TECTB: variants seen among roughly 807,000 people sequenced by gnomAD.
TECTB encodes beta-tectorin.
A neutral mutation model predicts 43.3 loss-of-function variants in TECTB; 45 were observed. The observed-to-expected ratio is 1.04, with a 90% confidence interval of 0.82 to 1.33. TECTB has a LOEUF of 1.33. Among genes scored for constraint, TECTB ranks in the 40% most tolerant of loss-of-function variants. The pLI, the probability that TECTB is intolerant of heterozygous loss-of-function variation, is 0.00. For missense variants in TECTB, 399 were observed against 404.7 expected (o/e 0.99, Z 0.12); for synonymous variants, 169 against 156.7 (o/e 1.08, Z -0.59).
intron 10 of TECTB, chr10:112,303,053 A>G (rs1564711270): frequency 1.2e-5 from 7 of 576,164 alleles, no homozygotes; most frequent in Admixed American, 3.0e-5. Context: ...ACTGATTTCT[A>G]TTTGTCAGAG....
chr10:112,302,010 C>T (rs1848616307), intron 9 of TECTB, 91 bp from the exon 10 acceptor site: 1 of 1,484,834 alleles, frequency 6.7e-7, no homozygotes. Context: ...AGCCCCCAGC[C>T]AGGTTTTGTG....
Position 112,293,804 on chromosome 10 carries a change from C to G in TECTB, c.550C>G (p.Leu184Val). The G allele has an allele frequency of 1.2e-6, 2 of 1,614,172 alleles. No homozygotes were observed. Among genetic ancestry groups the G allele is most frequent in the Non-Finnish European group, 1.7e-6 (2 of 1,180,038 alleles). The change falls in exon 6 of 11, where the codon CTG becomes GTG. Residue 184 changes from leucine to valine, a missense_variant. Transcript: ENST00000646139. ...VLEASEIGSD[L>V]FAGVEAKGLS... is the part of the protein sequence containing the mutation. Reference sequence around the variant, plus strand: ...GGAGGCATCCGAAATCGGTTCAGATCTGTTTGCAGGAGTGGAAGCCAAAGG... The same window carrying G: ...GGAGGCATCCGAAATCGGTTCAGATGTGTTTGCAGGAGTGGAAGCCAAAGG...
At position 112,283,427 on chromosome 10, in the gene TECTB, C is replaced by A. The variant is rs948958525; in HGVS notation, c.-157C>A. On this transcript the variant is annotated 5_prime_UTR_variant, in exon 1 of 11. Transcript: ENST00000646139. ...ATTTGGGGAGCATCCAGCAGCCAGC[C>A]TCTACAGTCCGGAGAGGATGAAACA... is the stretch of plus-strand genomic sequence containing the variant. 4 of 306,312 alleles carry A rather than the reference C, an allele frequency of 1.3e-5. No individual in the cohort carries two copies. The highest frequency in any genetic ancestry group is 2.4e-5 in the Non-Finnish European group (4 of 166,864). 19.0% of individuals were successfully genotyped at this position (306,312 alleles called of 1,614,324 possible). A position where few individuals can be genotyped will look rare whatever the true frequency, so the allele number is the denominator to read the frequency against.
At position 112,284,520 on chromosome 10, in the gene TECTB, G is replaced by A; in HGVS notation, c.77-15G>A. 1 of 1,591,092 alleles carries A rather than the reference G, an allele frequency of 6.3e-7. No individual in the cohort carries two copies. Among genetic ancestry groups the A allele is most frequent in the African/African-American group, 1.3e-5 (1 of 74,592 alleles). ...TACCCTAACTGATTTTAAACTATATGTGTGCTCTTTCCAGATGTCATTCTT... is the reference window on the plus strand; with the variant it reads ...TACCCTAACTGATTTTAAACTATATATGTGCTCTTTCCAGATGTCATTCTT... On this transcript the variant is annotated splice_polypyrimidine_tract_variant and intron_variant, in intron 2 of 10. Transcript: ENST00000646139.
chr10:112,289,099 T>C (rs1259749222), intron 5 of TECTB, among the ~76,000 whole-genome samples: 1 of 152,204 alleles, frequency 6.6e-6, no homozygotes, highest in Non-Finnish European at 1.5e-5. Flanking sequence ...AGGTTTGTTA[T>C]AGAATTAAAT....
At chr10:112,289,195 T>C (rs1187545038) in intron 5 of TECTB, among the ~76,000 whole-genome samples, 1 of 152,238 alleles carries the variant, frequency 6.6e-6, no homozygotes. Flanking sequence ...TTGTAGACTT[T>C]GACTCTATTT....
intron 9 of TECTB, among the ~76,000 whole-genome samples, chr10:112,300,230 T>TAAAGAAAGAAAGAG (rs1848588221): frequency 1.8e-5 from 1 of 55,024 alleles, no homozygotes; most frequent in Admixed American, 2.3e-4. Flanking sequence ...CAGAAAGAAA[T>TAAAGAAAGAAAGAG]AAAGAAAGAA....
chr10:112,283,703 G>A lies in TECTB; in HGVS notation c.-32G>A. On this transcript the variant is annotated 5_prime_UTR_variant, in exon 2 of 11. Coordinates refer to ENST00000646139, the MANE Select transcript of TECTB (RefSeq NM_058222.3). ...GTAAACATTTGGCCAGCTTGGTTTG[G>A]ATACCTGGCAGAGACCAGGTTCTGA... 1 of 1,610,014 alleles carries A rather than the reference G, an allele frequency of 6.2e-7. No individual in the cohort carries two copies. Among genetic ancestry groups the A allele is most frequent in the Non-Finnish European group, 8.5e-7 (1 of 1,176,890 alleles).
At chr10:112,291,118 C>T (rs1226750473) in intron 5 of TECTB, among the ~76,000 whole-genome samples, 1 of 152,148 alleles carries the variant, frequency 6.6e-6, no homozygotes, top group African/African-American at 2.4e-5. Context: ...TTGAGCCCAG[C>T]ATGCATTAGC....
intron 9 of TECTB, among the ~76,000 whole-genome samples, chr10:112,301,106 T>C (rs1848607612): frequency 6.6e-6 from 1 of 152,218 alleles, no homozygotes; most frequent in Non-Finnish European, 1.5e-5. Flanking sequence ...AAAACAACAA[T>C]ATTTCGTGAC....
intron 8 of TECTB, among the ~76,000 whole-genome samples, chr10:112,298,641 G>T (rs1163572591): frequency 6.6e-6 from 1 of 152,228 alleles, no homozygotes; most frequent in Non-Finnish European, 1.5e-5. Context: ...TAACTCAAAA[G>T]GTGGGTGTTT....
intron 7 of TECTB, among the ~76,000 whole-genome samples, chr10:112,296,582 A>C (rs1286609984): frequency 1.3e-5 from 2 of 152,224 alleles, no homozygotes; most frequent in African/African-American, 4.8e-5. Context: ...ATCCTACAGA[A>C]GTCTTGTTTC....
intron 10 of TECTB, chr10:112,302,981 A>C: frequency 2.3e-6 from 1 of 441,692 alleles, no homozygotes; most frequent in East Asian, 3.4e-5. Flanking sequence ...TTAAAATTCC[A>C]ATCCTAGATT....
intron 5 of TECTB, among the ~76,000 whole-genome samples, chr10:112,288,719 C>T (rs1445277014): frequency 1.3e-5 from 2 of 152,182 alleles, no homozygotes; most frequent in African/African-American, 4.8e-5. Context: ...ACAATGGAAT[C>T]AATGCACTGC....
intron 7 of TECTB, among the ~76,000 whole-genome samples, 164 bp downstream of exon 7, chr10:112,294,225 G>A (rs10509957): frequency 0.51 from 77,765 of 152,010 alleles, 20,423 homozygotes; most frequent in East Asian, 0.74. Context: ...TAAGAAACAG[G>A]ACATAGTGCA....
In TECTB at chr10:112,303,319, G is replaced by A. The variant is rs749475275; in HGVS notation, c.*7G>A. 1.9e-6 allele frequency: 3 copies of A among 1,614,158 alleles called. No homozygotes were observed. The highest frequency in any genetic ancestry group is 1.7e-6 in the Non-Finnish European group (2 of 1,180,026). The stretch of plus-strand genomic sequence containing the variant: ...GATTTGTGCCGTGTTATAGGAGTTA[G>A]CCAGGCAGCTGCCGCTCCTCCACCC... On this transcript the variant is annotated 3_prime_UTR_variant, in exon 11 of 11. Coordinates refer to ENST00000646139, the MANE Select transcript of TECTB (RefSeq NM_058222.3).
At position 112,300,265 on chromosome 10, in the gene TECTB, A is replaced by AAGAAAGAAAG. The variant is rs1848592210; in HGVS notation, c.907+701_907+702insAGAAAGAAAG. 5.3e-5 allele frequency among the ~76,000 whole-genome samples: 2 copies of AAGAAAGAAAG among 37,712 alleles called. 1 individual carries two copies. The highest frequency in any genetic ancestry group is 3.6e-4 in the African/African-American group (2 of 5,544). The allele number at this position is 37,712 out of a possible 152,430, so 24.7% of individuals were successfully genotyped here. On this transcript the variant is annotated intron_variant, in intron 9 of 10. Coordinates refer to ENST00000646139, the MANE Select transcript of TECTB (RefSeq NM_058222.3). The stretch of plus-strand genomic sequence containing the variant: ...AAGAAAGAAAGAAAGAAAGAAAGAA[A>AAGAAAGAAAG]GAAAGAAAGAAAGAAAAGAAAGAAA...
At chr10:112,290,275 T>C (rs1392062097) in intron 5 of TECTB, among the ~76,000 whole-genome samples, 1 of 152,198 alleles carries the variant, frequency 6.6e-6, no homozygotes, top group Non-Finnish European at 1.5e-5. Context: ...ATATAGGGTT[T>C]GGTACTATCT....
intron 7 of TECTB, 63 bp downstream of exon 7, chr10:112,294,124 C>T (rs968446810): frequency 5.6e-5 from 84 of 1,509,634 alleles, no homozygotes; most frequent in Non-Finnish European, 7.1e-5. Context: ...GGCTACTTTG[C>T]TCTGGCTTGG....
Sources: gnomAD v4.1 joint callset for allele counts (sites outside exome capture counted in the v4.1 genomes callset) on GRCh38, gnomAD v4.1.1 for gene constraint, MANE v1.5 for transcripts, NCBI Gene and HGNC (gene_info 2026-07-23, HGNC 2026-07-21) for gene names.